The following SCMH1 variants were observed in gnomAD, a reference collection of about 807,000 sequenced individuals.
The protein encoded by SCMH1 is polycomb protein SCMH1.
SCMH1 carries 37 observed loss-of-function variants against 70.8 expected under a neutral mutation model. The observed-to-expected ratio is 0.52, with a 90% confidence interval of 0.40 to 0.69. SCMH1 has a LOEUF of 0.69. SCMH1 is among the 30% of genes least tolerant of loss of function. SCMH1 has a pLI of 0.00. For synonymous variants in SCMH1, 292 were observed against 307.4 expected (o/e 0.95, Z 0.52); for missense variants, 607 against 827.3 (o/e 0.73, Z 3.27).
At chr1:41,054,032 G>C (rs906049026) in intron 10 of SCMH1, among the ~76,000 whole-genome samples, 39 of 152,198 alleles carry the variant, frequency 2.6e-4, no homozygotes, top group African/African-American at 9.2e-4. Flanking sequence ...TTTTAGTAGA[G>C]ACGGGGTTTC....
At chr1:41,136,160 G>C (rs1027854859) in intron 6 of SCMH1, among the ~76,000 whole-genome samples, 1 of 151,784 alleles carries the variant, frequency 6.6e-6, no homozygotes, top group Admixed American at 6.6e-5. Flanking sequence ...TGCCCAGGCT[G>C]GTCTCAAACT....
At chr1:41,109,424 C>T (rs1668735086) in intron 8 of SCMH1, among the ~76,000 whole-genome samples, 1 of 152,200 alleles carries the variant, frequency 6.6e-6, no homozygotes, top group South Asian at 2.1e-4. Context: ...GGCTTACACA[C>T]AGAGAACAAC....
intron 13 of SCMH1, among the ~76,000 whole-genome samples, 155 bp downstream of exon 13, chr1:41,037,207 G>C (rs1351545840): frequency 1.3e-5 from 2 of 152,144 alleles, no homozygotes; most frequent in Non-Finnish European, 2.9e-5. Flanking sequence ...TTACCTCCCA[G>C]GTGCAAGGCC....
chr1:41,047,441 G>A (rs537949978), intron 11 of SCMH1, among the ~76,000 whole-genome samples: 2 of 140,394 alleles, frequency 1.4e-5, no homozygotes, highest in African/African-American at 2.7e-5. Context: ...CTGTCACCCA[G>A]GCTGGGGTGC....
At chr1:41,180,166 A>G (rs11209628) in intron 2 of SCMH1, among the ~76,000 whole-genome samples, 12 of 151,924 alleles carry the variant, frequency 7.9e-5, no homozygotes, top group Admixed American at 1.3e-4. Context: ...ATTCAACAAC[A>G]CTTCATGCTA....
chr1:41,161,161 T>C lies in SCMH1; in HGVS notation c.82+203A>G, dbSNP rs1572731471. ...TAAAACTATGAAGCTAATTTGGGAT[T>C]ACCTATACTCAGAATCTAGGTTTCC... On this transcript the variant is annotated intron_variant, in intron 3 of 14. Coordinates refer to ENST00000337495, the Ensembl canonical transcript of SCMH1. 5.3e-5 allele frequency among the ~76,000 whole-genome samples: 8 copies of C among 152,364 alleles called. No individual in the cohort carries two copies. The South Asian group carries it at 1.4e-3, about 28-fold the overall frequency.
chr1:41,160,110 T>A (rs1645892541), intron 4 of SCMH1, among the ~76,000 whole-genome samples: 1 of 152,064 alleles, frequency 6.6e-6, no homozygotes, highest in African/African-American at 2.4e-5. Flanking sequence ...CAATGGAAAG[T>A]AATATGTTGC....
At chr1:41,172,139 C>T (rs1017009297) in intron 2 of SCMH1, among the ~76,000 whole-genome samples, 7 of 141,860 alleles carry the variant, frequency 4.9e-5, no homozygotes, top group African/African-American at 1.8e-4. Flanking sequence ...GAGCCATGTT[C>T]ATACTACTGC....
intron 4 of SCMH1, among the ~76,000 whole-genome samples, chr1:41,160,245 T>A (rs1245949047): frequency 6.6e-6 from 1 of 152,206 alleles, no homozygotes; most frequent in Admixed American, 6.5e-5. Flanking sequence ...GATATCAAAA[T>A]CTATGTAACA....
chr1:41,046,496 TC>T lies in SCMH1; in HGVS notation c.1408del (p.Asp470ThrfsTer19). On this transcript the variant is annotated frameshift_variant, in exon 12 of 15. Transcript: ENST00000337495. LOFTEE classifies it high-confidence loss of function. ...AAAGGGCTGGTTGCCAAACAGATTG[TC>T]ACTACGAAGGTTGTGGCAGAGTTTC... The T allele has an allele frequency of 6.2e-7, 1 of 1,614,100 alleles. No homozygotes were observed. Among genetic ancestry groups the T allele is most frequent in the Non-Finnish European group, 8.5e-7 (1 of 1,179,926 alleles).
chr1:41,154,216 A>AG (rs1393619349), intron 4 of SCMH1, among the ~76,000 whole-genome samples: 1 of 152,228 alleles, frequency 6.6e-6, no homozygotes, highest in Non-Finnish European at 1.5e-5. Context: ...CACCTTCAGA[A>AG]GTTCTTATTC....
intron 8 of SCMH1, among the ~76,000 whole-genome samples, chr1:41,092,914 C>T (rs187804475): frequency 1.2e-3 from 190 of 152,282 alleles, no homozygotes; most frequent in Non-Finnish European, 2.2e-3. Context: ...AATGCTTTTA[C>T]ACTACTGGTG....
chr1:41,210,926 C>T (rs1382827098), intron 1 of SCMH1, among the ~76,000 whole-genome samples: 1 of 152,024 alleles, frequency 6.6e-6, no homozygotes, highest in Non-Finnish European at 1.5e-5. Flanking sequence ...TCTCCTGCCT[C>T]AGCCTCCCCA....
intron 2 of SCMH1, among the ~76,000 whole-genome samples, chr1:41,166,664 A>T (rs564155655): frequency 2.2e-4 from 19 of 84,776 alleles, no homozygotes; most frequent in Non-Finnish European, 4.2e-4. Flanking sequence ...GTTAGTGTAT[A>T]GAAATGCTAC....
At chr1:41,129,621 T>C (rs1008466291) in intron 6 of SCMH1, among the ~76,000 whole-genome samples, 38 of 152,152 alleles carry the variant, frequency 2.5e-4, no homozygotes, top group Admixed American at 3.9e-4. Flanking sequence ...TGTGTGACAT[T>C]TTCTTTATCC....
At chr1:41,146,240 T>G (rs1225479680) in intron 5 of SCMH1, among the ~76,000 whole-genome samples, 7 of 152,020 alleles carry the variant, frequency 4.6e-5, no homozygotes, top group Non-Finnish European at 8.8e-5. Flanking sequence ...AAATTAAAAA[T>G]TATTTTTCTA....
intron 1 of SCMH1, among the ~76,000 whole-genome samples, chr1:41,232,769 T>C (rs886346614): frequency 1.3e-5 from 2 of 152,236 alleles, no homozygotes; most frequent in African/African-American, 2.4e-5. Context: ...GTACATTATA[T>C]AGAGTAGGTC....
intron 8 of SCMH1, among the ~76,000 whole-genome samples, chr1:41,089,353 T>A (rs1256836963): frequency 6.6e-6 from 1 of 152,226 alleles, no homozygotes; most frequent in Non-Finnish European, 1.5e-5. Flanking sequence ...TCCTTTCAAA[T>A]GGCACAAGCT....
intron 8 of SCMH1, among the ~76,000 whole-genome samples, chr1:41,089,785 C>CCCTTTTTTTTTT (rs1662794843): frequency 2.7e-5 from 1 of 37,320 alleles, no homozygotes; most frequent in Non-Finnish European, 4.7e-5. Flanking sequence ...ACCATGTTGT[C>CCCTTTTTTTTTT]TCTTTTTTTT....
Sources: allele counts gnomAD v4.1 joint callset (sites outside exome capture counted in the v4.1 genomes callset), GRCh38; gene constraint gnomAD v4.1.1; transcripts MANE v1.5; gene names NCBI Gene and HGNC (gene_info 2026-07-23, HGNC 2026-07-21).